Variants in NALF1 observed in about 807,000 individuals in gnomAD.
The protein encoded by NALF1 is NALCN channel auxiliary factor 1.
In NALF1, 3 loss-of-function variants were observed where a neutral mutation model predicts 48.4. That is an observed-to-expected ratio of 0.06 (90% confidence interval 0.03 to 0.16). NALF1 has a LOEUF of 0.16. Among genes scored for constraint, NALF1 ranks in the 10% least tolerant of loss-of-function variants. NALF1 has a pLI of 1.00. For missense variants in NALF1, 526 were observed against 571.5 expected (o/e 0.92, Z 0.81); for synonymous variants, 262 against 245.7 (o/e 1.07, Z -0.62).
chr13:107,571,902 CT>C (rs1035890859), intron 1 of NALF1, among the ~76,000 whole-genome samples: 24 of 152,138 alleles, frequency 1.6e-4, no homozygotes, highest in African/African-American at 5.8e-4. Flanking sequence ...GTAGTTTTTT[CT>C]TTAATTGCCT....
intron 1 of NALF1, among the ~76,000 whole-genome samples, chr13:107,452,803 G>A (rs1884764054): frequency 6.6e-6 from 1 of 152,142 alleles, no homozygotes; most frequent in Non-Finnish European, 1.5e-5. Context: ...AAAATTAAAA[G>A]CAAGTTAGTT....
intron 1 of NALF1, among the ~76,000 whole-genome samples, chr13:107,686,252 G>A (rs1168804980): frequency 6.6e-6 from 1 of 152,198 alleles, no homozygotes; most frequent in Non-Finnish European, 1.5e-5. Context: ...GATGAAGGCA[G>A]AGGGTAGGGA....
At chr13:107,414,247 A>T (rs9520430) in intron 1 of NALF1, among the ~76,000 whole-genome samples, 32,921 of 151,760 alleles carry the variant, frequency 0.22, 4,064 homozygotes, top group Middle Eastern at 0.28. Context: ...TTAATAGTTA[A>T]ATATTGATTC....
At chr13:107,389,241 T>C (rs966437453) in intron 1 of NALF1, among the ~76,000 whole-genome samples, 3 of 152,152 alleles carry the variant, frequency 2.0e-5, no homozygotes, top group Admixed American at 1.3e-4. Context: ...TAACACACTG[T>C]TATGAGTTGA....
At position 107,787,751 on chromosome 13, in the gene NALF1, T is replaced by C. The variant is rs1283287644; in HGVS notation, c.915+77931A>G. Among the ~76,000 whole-genome samples the C allele has an allele frequency of 2.0e-5, 3 of 151,928 alleles. No individual in the cohort carries two copies. The East Asian group carries it at 5.8e-4, about 30-fold the overall frequency. ...CTTGCAAACTAATACATCTGTCTCATAGAAAATACTTAAAGCCACTCTTTC... is the reference window on the plus strand; with the variant it reads ...CTTGCAAACTAATACATCTGTCTCACAGAAAATACTTAAAGCCACTCTTTC... On this transcript the variant is annotated intron_variant, in intron 1 of 2. Coordinates refer to ENST00000375915, the MANE Select transcript of NALF1 (RefSeq NM_001080396.3).
intron 1 of NALF1, among the ~76,000 whole-genome samples, chr13:107,444,527 G>C (rs1321228973): frequency 1.3e-5 from 2 of 152,098 alleles, no homozygotes; most frequent in Non-Finnish European, 2.9e-5. Context: ...CAAAAAATCT[G>C]TTAATAACAA....
At chr13:107,238,100 T>C (rs1180433745) in intron 1 of NALF1, among the ~76,000 whole-genome samples, 28 of 152,150 alleles carry the variant, frequency 1.8e-4, no homozygotes. Context: ...AAAATAAGGC[T>C]CAGTTTTTAG....
chr13:107,521,523 T>TC (rs1369983552), intron 1 of NALF1, among the ~76,000 whole-genome samples: 1 of 152,180 alleles, frequency 6.6e-6, no homozygotes, highest in African/African-American at 2.4e-5. Context: ...GACTATTATA[T>TC]CCCCCCTTAT....
rs1566511803 is a variant in NALF1 at position 107,866,363 on chromosome 13, CTGCCGCTGCTGCTGCT to C, written c.218_233del (p.Gln73ArgfsTer81). On this transcript the variant is annotated frameshift_variant, in exon 1 of 3. Transcript: ENST00000375915. LOFTEE classifies it high-confidence loss of function. This position sits in a 1 kb window ranked among gnomAD's most constrained non-coding sequence, Gnocchi z 4.4. ...TCTGCTGCTGCTGCTGCTGCTGCTG[CTGCCGCTGCTGCTGCT>C]GGTGCTCCTTGTCCCGGGCCCGGGT... 1 of 1,569,830 alleles carries C rather than the reference CTGCCGCTGCTGCTGCT, an allele frequency of 6.4e-7. No homozygotes were observed.
chr13:107,446,476 G>A (rs1377352015), intron 1 of NALF1, among the ~76,000 whole-genome samples: 2 of 151,572 alleles, frequency 1.3e-5, no homozygotes, highest in African/African-American at 2.4e-5. Flanking sequence ...ATGATACTGT[G>A]CTCGTTACTT....
intron 1 of NALF1, among the ~76,000 whole-genome samples, chr13:107,836,089 C>G (rs1879880311): frequency 1.3e-5 from 2 of 152,242 alleles, no homozygotes; most frequent in South Asian, 2.1e-4. Flanking sequence ...CCTCCTGACT[C>G]AAGCGATCCT....
At chr13:107,731,090 A>G (rs1254680970) in intron 1 of NALF1, among the ~76,000 whole-genome samples, 2 of 152,200 alleles carry the variant, frequency 1.3e-5, no homozygotes, top group African/African-American at 4.8e-5. Context: ...TTAGAGCATT[A>G]GAGCATTATG....
rs78748855 is a variant in NALF1, at chr13:107,492,466, C to T, written c.916-281711G>A. Among the ~76,000 whole-genome samples the T allele has an allele frequency of 9.5e-3, 1,453 of 152,180 alleles. 30 individuals are homozygous for T. Among genetic ancestry groups the T allele is most frequent in the African/African-American group, 0.033 (1,379 of 41,516 alleles). On this transcript the variant is annotated intron_variant, in intron 1 of 2. Transcript: ENST00000375915. ...TCTTGTTGCCGCACATATTCTTTCC[C>T]GCACCACAGCTTCCTTATATTCCTT... is the stretch of plus-strand genomic sequence containing the variant.
chr13:107,339,476 C>A (rs1882628559), intron 1 of NALF1, among the ~76,000 whole-genome samples: 1 of 151,952 alleles, frequency 6.6e-6, no homozygotes, highest in Non-Finnish European at 1.5e-5. Flanking sequence ...TAGGGGCCTG[C>A]AAATTTGCAT....
chr13:107,629,802 A>G (rs1266231743), intron 1 of NALF1, among the ~76,000 whole-genome samples: 1 of 152,138 alleles, frequency 6.6e-6, no homozygotes, highest in East Asian at 1.9e-4. Context: ...TACTTGAGAT[A>G]TATATGAATG....
At chr13:107,263,226 C>A (rs1171596282) in intron 1 of NALF1, among the ~76,000 whole-genome samples, 1 of 147,852 alleles carries the variant, frequency 6.8e-6, no homozygotes, top group East Asian at 2.0e-4. Flanking sequence ...TGTAGGCTCC[C>A]AACACCCCAC....
At chr13:107,677,956 G>A (rs551080459) in intron 1 of NALF1, among the ~76,000 whole-genome samples, 5 of 152,218 alleles carry the variant, frequency 3.3e-5, no homozygotes, top group East Asian at 1.9e-4. Context: ...ACCTTTAAAC[G>A]TCCATAGCAT....
intron 1 of NALF1, among the ~76,000 whole-genome samples, chr13:107,649,742 A>G (rs895670838): frequency 6.6e-6 from 1 of 152,212 alleles, no homozygotes; most frequent in Non-Finnish European, 1.5e-5. Flanking sequence ...GAAAGCTACA[A>G]TATAACTGAG....
At chr13:107,781,673 C>G (rs1566479253) in intron 1 of NALF1, among the ~76,000 whole-genome samples, 1 of 151,556 alleles carries the variant, frequency 6.6e-6, no homozygotes. Flanking sequence ...TAGATCCATC[C>G]TCAGGATCTC....
Sources: allele counts gnomAD v4.1 joint callset (sites outside exome capture counted in the v4.1 genomes callset), GRCh38; gene constraint gnomAD v4.1.1; non-coding constraint Gnocchi (gnomAD v3.1); transcripts MANE v1.5; gene names NCBI Gene and HGNC (gene_info 2026-07-23, HGNC 2026-07-21).